Variants in FAM81A observed in about 807,000 individuals in gnomAD.
FAM81A encodes family with sequence similarity 81 member A, also known as protein FAM81A.
In FAM81A, 19 loss-of-function variants were observed where a neutral mutation model predicts 46.7. The observed-to-expected ratio is 0.41, with a 90% CI of 0.28 to 0.60. The LOEUF (loss-of-function observed/expected upper bound fraction) is 0.60. FAM81A is among the 20% of genes least tolerant of loss of function. FAM81A has a pLI of 0.34. For missense variants in FAM81A, 377 were observed against 453.5 expected (o/e 0.83, Z 1.53); for synonymous variants, 183 against 152.9 (o/e 1.20, Z -1.45).
chr15:59,421,710 TCTATCTGTC>T (rs2081172390), intron 2 of FAM81A, among the ~76,000 whole-genome samples: 1 of 98,740 alleles, frequency 1.0e-5, no homozygotes. Flanking sequence ...CCTTAAACTA[TCTATCTGTC>T]TGTCTGTCTG....
At chr15:59,466,517 T>A (rs1307561547) in intron 3 of FAM81A, among the ~76,000 whole-genome samples, 1 of 152,232 alleles carries the variant, frequency 6.6e-6, no homozygotes, top group Non-Finnish European at 1.5e-5. Context: ...TTGAGATGTG[T>A]CTGTTCATTT....
intron 2 of FAM81A, among the ~76,000 whole-genome samples, chr15:59,411,846 G>C (rs1187266660): frequency 6.6e-6 from 1 of 152,076 alleles, no homozygotes; most frequent in African/African-American, 2.4e-5. Flanking sequence ...CCCAGGAGGT[G>C]GAGGTTGCAG....
chr15:59,445,556 A>G (rs1397997726), intron 1 of FAM81A: 1 of 151,936 alleles, frequency 6.6e-6, no homozygotes, highest in East Asian at 1.9e-4. Flanking sequence ...AGAGTAAAAG[A>G]CTCCCATATT....
intron 3 of FAM81A, among the ~76,000 whole-genome samples, chr15:59,464,051 G>T (rs556176649): frequency 6.6e-6 from 1 of 152,006 alleles, no homozygotes; most frequent in African/African-American, 2.4e-5. Context: ...TTTCACATAT[G>T]AGTAAGAACA....
chr15:59,456,535 C>G (rs1304673154), intron 1 of FAM81A, among the ~76,000 whole-genome samples: 2 of 152,072 alleles, frequency 1.3e-5, no homozygotes, highest in African/African-American at 2.4e-5. Context: ...TTTTCCCTCC[C>G]CATGTGCTTT....
chr15:59,435,157 C>T (rs895463327), upstream of FAM81A, among the ~76,000 whole-genome samples: 2 of 151,888 alleles, frequency 1.3e-5, no homozygotes, highest in African/African-American at 4.8e-5. Flanking sequence ...CGTGGTGGTG[C>T]ATGTTTGTAG....
intron 3 of FAM81A, among the ~76,000 whole-genome samples, chr15:59,475,573 G>A (rs1296021165): frequency 6.6e-6 from 1 of 152,180 alleles, no homozygotes; most frequent in Non-Finnish European, 1.5e-5. Context: ...TAACCAGACA[G>A]CACTCTTTTA....
At chr15:59,480,506 T>A (rs1171627752) in intron 3 of FAM81A, among the ~76,000 whole-genome samples, 3 of 152,156 alleles carry the variant, frequency 2.0e-5, no homozygotes, top group Non-Finnish European at 4.4e-5. Flanking sequence ...ATAGGCCGTA[T>A]CTTTGAAAAA....
At chr15:59,487,427 C>T (rs2081931138) in intron 3 of FAM81A, among the ~76,000 whole-genome samples, 1 of 150,512 alleles carries the variant, frequency 6.6e-6, no homozygotes, top group African/African-American at 2.4e-5. Flanking sequence ...TCAGAGCAGA[C>T]ATAAGTGAAA....
At chr15:59,493,557 T>A (rs2082003214) in intron 4 of FAM81A, among the ~76,000 whole-genome samples, 1 of 152,164 alleles carries the variant, frequency 6.6e-6, no homozygotes, top group Admixed American at 6.6e-5. Flanking sequence ...TACATGCTGT[T>A]CTCGTACCTA....
chr15:59,441,375 T>G (rs776753087), intron 1 of FAM81A, among the ~76,000 whole-genome samples: 1 of 152,234 alleles, frequency 6.6e-6, no homozygotes, highest in African/African-American at 2.4e-5. Flanking sequence ...ACTGCCCACA[T>G]GTGGCTCTTA....
chr15:59,459,244 C>T (rs182352244), intron 2 of FAM81A, among the ~76,000 whole-genome samples: 357 of 152,328 alleles, frequency 2.3e-3, no homozygotes, highest in African/African-American at 8.3e-3. Context: ...AAGCAGTCCT[C>T]CCACCTCAGC....
chr15:59,483,605 A>G (rs1268714168), intron 3 of FAM81A, among the ~76,000 whole-genome samples: 1 of 152,238 alleles, frequency 6.6e-6, no homozygotes, highest in Non-Finnish European at 1.5e-5. Context: ...GCAAATTGTC[A>G]GTACATCAGA....
intron 5 of FAM81A, among the ~76,000 whole-genome samples, 176 bp from the exon 6 acceptor site, chr15:59,508,687 C>T (rs779519422): frequency 2.0e-5 from 3 of 151,884 alleles, no homozygotes; most frequent in South Asian, 2.1e-4. Context: ...TCTTGATTTT[C>T]GATGGGTATA....
rs114317805 is a variant in FAM81A at position 59,405,362 on chromosome 15, C to T, written c.-78+3004C>T. Among the ~76,000 whole-genome samples the T allele has an allele frequency of 1.3e-3, 204 of 152,116 alleles. 2 individuals carry two copies. The highest frequency in any genetic ancestry group is 4.3e-3 in the African/African-American group (177 of 41,504). ...TGCCTCTTTCCGCTAAGAATTAGAC[C>T]GGGCTCTGTGGCTCACACCTGGAAT... On this transcript the variant is annotated intron_variant, in intron 2 of 4. Coordinates refer to the FAM81A transcript ENST00000558348.
intron 1 of FAM81A, among the ~76,000 whole-genome samples, chr15:59,442,530 T>C (rs1465346144): frequency 6.7e-6 from 1 of 148,778 alleles, no homozygotes; most frequent in Non-Finnish European, 1.5e-5. Flanking sequence ...GGCAGGAGAA[T>C]TGCTTGAACC....
At chr15:59,490,413 C>A (rs1256193977) in intron 3 of FAM81A, among the ~76,000 whole-genome samples, 1 of 152,150 alleles carries the variant, frequency 6.6e-6, no homozygotes, top group African/African-American at 2.4e-5. Context: ...ATCTAATAAT[C>A]TGTTTAAAAA....
chr15:59,518,310 AT>A (rs1459079016), intron 8 of FAM81A, among the ~76,000 whole-genome samples: 2 of 150,774 alleles, frequency 1.3e-5, no homozygotes, highest in African/African-American at 4.9e-5. Flanking sequence ...TATTATTTCC[AT>A]TTTTTTGGAA....
intron 3 of FAM81A, among the ~76,000 whole-genome samples, chr15:59,482,706 C>T (rs775524711): frequency 2.6e-5 from 4 of 152,202 alleles, no homozygotes; most frequent in Non-Finnish European, 4.4e-5. Context: ...TTGAGAACCA[C>T]TGGTCTTATG....
Sources: gnomAD v4.1 joint callset for allele counts (sites outside exome capture counted in the v4.1 genomes callset) on GRCh38, gnomAD v4.1.1 for gene constraint, MANE v1.5 for transcripts, NCBI Gene and HGNC (gene_info 2026-07-23, HGNC 2026-07-21) for gene names.